The following GALNTL6 variants were observed in gnomAD, a reference collection of about 807,000 sequenced individuals.
GALNTL6 encodes polypeptide N-acetylgalactosaminyltransferase like 6, also known as polypeptide N-acetylgalactosaminyltransferase-like 6.
A neutral mutation model predicts 73.7 loss-of-function variants in GALNTL6; 46 were observed. The ratio of observed to expected loss-of-function variants is 0.62; its 90% CI spans 0.49 to 0.80. The LOEUF is 0.80. Ranked by LOEUF, GALNTL6 falls within the 30% of genes least tolerant of loss-of-function variation. The probability of loss-of-function intolerance (pLI) is 0.00; values close to 1 mark genes in which losing one functional copy is unlikely to be tolerated. For missense variants in GALNTL6, 604 were observed against 755.0 expected (o/e 0.80, Z 2.34); for synonymous variants, 259 against 263.7 (o/e 0.98, Z 0.17).
At chr4:172,417,795 T>C (rs1215866128) in intron 5 of GALNTL6, among the ~76,000 whole-genome samples, 1 of 152,218 alleles carries the variant, frequency 6.6e-6, no homozygotes, top group Admixed American at 6.5e-5. Context: ...CATTCTGTTG[T>C]GTTTGTTTTT....
At chr4:171,960,688 TA>T (rs201299722) in intron 2 of GALNTL6, among the ~76,000 whole-genome samples, 3,399 of 129,332 alleles carry the variant, frequency 0.026, 48 homozygotes, top group South Asian at 0.043. Flanking sequence ...TGTCTTTATT[TA>T]AAAAAAAAAA....
chr4:172,425,993 A>G (rs1295097531), intron 5 of GALNTL6, among the ~76,000 whole-genome samples: 1 of 152,006 alleles, frequency 6.6e-6, no homozygotes, highest in East Asian at 1.9e-4. Context: ...TAGTTATTGA[A>G]TATAATTTCC....
intron 12 of GALNTL6, among the ~76,000 whole-genome samples, chr4:173,031,583 C>G (rs1011207877): frequency 4.6e-5 from 7 of 151,860 alleles, no homozygotes; most frequent in African/African-American, 1.7e-4. Context: ...TCCACATTCA[C>G]TATCTCTTCA....
chr4:172,202,309 C>T (rs1439393125), intron 2 of GALNTL6, among the ~76,000 whole-genome samples: 1 of 151,884 alleles, frequency 6.6e-6, no homozygotes, highest in East Asian at 1.9e-4. Context: ...ATAGAAAAAG[C>T]TGAAACTAGT....
At chr4:172,410,774 G>A (rs1013344502) in intron 5 of GALNTL6, among the ~76,000 whole-genome samples, 1 of 151,824 alleles carries the variant, frequency 6.6e-6, no homozygotes, top group Non-Finnish European at 1.5e-5. Flanking sequence ...AATTGTACTG[G>A]GCTTTTTTAT....
chr4:172,405,435 ATATATATATTTTTTTTTTT>A (rs1385688097), intron 5 of GALNTL6, among the ~76,000 whole-genome samples: 634 of 4,276 alleles, frequency 0.15, no homozygotes, highest in Non-Finnish European at 0.18. Flanking sequence ...ATATATATAT[ATATATATATTTTTTTTTTT>A]TTTTTTTTTT....
At chr4:172,406,641 A>G (rs111773991) in intron 5 of GALNTL6, among the ~76,000 whole-genome samples, 1 of 152,068 alleles carries the variant, frequency 6.6e-6, no homozygotes, top group Admixed American at 6.6e-5. Flanking sequence ...ACAACTAATT[A>G]GTGACAGAGC....
intron 4 of GALNTL6, among the ~76,000 whole-genome samples, chr4:172,341,551 C>A (rs528692151): frequency 6.6e-6 from 1 of 152,106 alleles, no homozygotes; most frequent in South Asian, 2.1e-4. Context: ...TCCCATAATT[C>A]CCACGTGTTG....
chr4:172,478,686 G>A (rs1733329893), intron 5 of GALNTL6, among the ~76,000 whole-genome samples: 1 of 152,054 alleles, frequency 6.6e-6, no homozygotes, highest in African/African-American at 2.4e-5. Flanking sequence ...CTTCCGCACA[G>A]CAAAATAAAT....
intron 5 of GALNTL6, among the ~76,000 whole-genome samples, chr4:172,385,015 GTTT>G (rs1743412515): frequency 7.3e-6 from 1 of 137,670 alleles, no homozygotes; most frequent in African/African-American, 2.8e-5. Context: ...TTTTGTTGTT[GTTT>G]TGTTTTTTTG....
intron 4 of GALNTL6, among the ~76,000 whole-genome samples, chr4:172,347,569 A>T (rs894051237): frequency 2.0e-5 from 3 of 152,146 alleles, no homozygotes; most frequent in Admixed American, 6.5e-5. Flanking sequence ...AATTTCATTA[A>T]CACTATTTTC....
At chr4:172,348,046 T>G (rs921453576) in intron 4 of GALNTL6, among the ~76,000 whole-genome samples, 4 of 152,178 alleles carry the variant, frequency 2.6e-5, no homozygotes, top group Non-Finnish European at 4.4e-5. Flanking sequence ...TACAGTTGTT[T>G]TTCCCTTCAG....
chr4:172,874,080 A>T (rs528543626), intron 7 of GALNTL6, among the ~76,000 whole-genome samples: 2 of 152,252 alleles, frequency 1.3e-5, no homozygotes, highest in Non-Finnish European at 2.9e-5. Flanking sequence ...TTGGATTTTA[A>T]TAACAAGCAT....
At chr4:172,370,918 G>A (rs1742784533) in intron 5 of GALNTL6, among the ~76,000 whole-genome samples, 1 of 152,182 alleles carries the variant, frequency 6.6e-6, no homozygotes, top group African/African-American at 2.4e-5. Flanking sequence ...GTGTGTGGTA[G>A]TAGGATAATG....
Position 173,041,357 on chromosome 4 carries a change from C to A in GALNTL6, c.*1257C>A, listed in dbSNP as rs183940191. ...AATGCTCCGAAAACTAAATGGAACA[C>A]TTAATCCTTAAAGCAATTTTTTACT... On this transcript the variant is annotated 3_prime_UTR_variant, in exon 13 of 13. Transcript: ENST00000506823. 7.9e-5 allele frequency: 12 copies of A among 152,126 alleles called. No individual in the cohort carries two copies. The highest frequency in any genetic ancestry group is 2.9e-4 in the African/African-American group (12 of 41,524). 9.4% of individuals were successfully genotyped at this position (152,126 alleles called of 1,614,324 possible).
At chr4:171,981,505 A>T (rs1349109060) in intron 2 of GALNTL6, among the ~76,000 whole-genome samples, 1 of 152,178 alleles carries the variant, frequency 6.6e-6, no homozygotes, top group African/African-American at 2.4e-5. Flanking sequence ...ATTATGAGGG[A>T]GGTATGGAGC....
chr4:172,390,053 A>G (rs1743605260), intron 5 of GALNTL6, among the ~76,000 whole-genome samples: 1 of 152,194 alleles, frequency 6.6e-6, no homozygotes, highest in Non-Finnish European at 1.5e-5. Context: ...TGAATGCAAA[A>G]AAACTCAATG....
At chr4:172,808,753 C>T (rs1044941128) in intron 5 of GALNTL6, among the ~76,000 whole-genome samples, 3 of 151,996 alleles carry the variant, frequency 2.0e-5, no homozygotes, top group African/African-American at 4.8e-5. Context: ...GAAATATTTC[C>T]GAATCTTTAA....
intron 5 of GALNTL6, among the ~76,000 whole-genome samples, chr4:172,566,366 TA>T (rs1363516849): frequency 9.9e-5 from 15 of 152,062 alleles, no homozygotes; most frequent in Admixed American, 9.2e-4. Flanking sequence ...GGAATGAAAC[TA>T]GAAACCCACA....
Sources: allele counts gnomAD v4.1 joint callset (sites outside exome capture counted in the v4.1 genomes callset), GRCh38; gene constraint gnomAD v4.1.1; transcripts MANE v1.5; gene names NCBI Gene and HGNC (gene_info 2026-07-23, HGNC 2026-07-21).